The following CNTNAP2 variants were observed in gnomAD, a reference collection of about 807,000 sequenced individuals.
CNTNAP2 encodes contactin-associated protein-like 2.
Under a neutral mutation model 155.2 loss-of-function variants are expected in CNTNAP2, and 98 were observed. That is an observed-to-expected ratio of 0.63 (90% CI 0.54 to 0.75). The LOEUF (loss-of-function observed/expected upper bound fraction) is 0.75, where lower values mean the gene tolerates loss of function less well. Among genes scored for constraint, CNTNAP2 ranks in the 30% least tolerant of loss-of-function variants. CNTNAP2 has a pLI of 0.00. For missense variants in CNTNAP2, 1,727 were observed against 1,688.1 expected, an observed-to-expected ratio of 1.02 and a Z score of -0.40; for synonymous variants, 651 against 631.2, an observed-to-expected ratio of 1.03 and a Z score of -0.47.
chr7:147,809,517 C>T (rs1267065606), intron 13 of CNTNAP2, among the ~76,000 whole-genome samples: 1 of 152,200 alleles, frequency 6.6e-6, no homozygotes, highest in Non-Finnish European at 1.5e-5. Context: ...GCATCAGGGT[C>T]AGGCCAGATA....
intron 3 of CNTNAP2, among the ~76,000 whole-genome samples, chr7:146,994,461 T>C (rs950742130): frequency 6.6e-6 from 1 of 152,298 alleles, no homozygotes; most frequent in African/African-American, 2.4e-5. Flanking sequence ...AAGCAATTTT[T>C]CGAGCTATAT....
chr7:147,210,541 G>A (rs2116570303), intron 8 of CNTNAP2, among the ~76,000 whole-genome samples: 1 of 151,682 alleles, frequency 6.6e-6, no homozygotes, highest in African/African-American at 2.4e-5. Flanking sequence ...CTTTAATATA[G>A]CCAACTTAAT....
At chr7:147,670,509 C>T (rs1355918982) in intron 13 of CNTNAP2, among the ~76,000 whole-genome samples, 1 of 152,156 alleles carries the variant, frequency 6.6e-6, no homozygotes, top group African/African-American at 2.4e-5. Context: ...CCTATAAAAA[C>T]CTCATACTCA....
At chr7:147,026,436 C>A (rs1732703261) in intron 3 of CNTNAP2, among the ~76,000 whole-genome samples, 1 of 152,056 alleles carries the variant, frequency 6.6e-6, no homozygotes, top group Admixed American at 6.6e-5. Context: ...ATGACATATG[C>A]TTTTTCCATC....
At chr7:147,240,847 A>G (rs1263868039) in intron 8 of CNTNAP2, among the ~76,000 whole-genome samples, 1 of 152,250 alleles carries the variant, frequency 6.6e-6, no homozygotes, top group Non-Finnish European at 1.5e-5. Flanking sequence ...TTTCTACATT[A>G]TGACTCCTTT....
chr7:148,183,430 G>A (rs1424976990), intron 18 of CNTNAP2, among the ~76,000 whole-genome samples: 1 of 139,654 alleles, frequency 7.2e-6, no homozygotes, highest in Non-Finnish European at 1.6e-5. Context: ...TTTTAAAATT[G>A]TCTTTGAAAT....
intron 12 of CNTNAP2, among the ~76,000 whole-genome samples, chr7:147,606,581 C>T (rs1231890815): frequency 6.6e-6 from 1 of 152,108 alleles, no homozygotes; most frequent in Non-Finnish European, 1.5e-5. Context: ...ATTTATTGAC[C>T]ACTAGAGTAC....
At chr7:147,573,145 C>A (rs1279170574) in intron 12 of CNTNAP2, among the ~76,000 whole-genome samples, 1 of 152,058 alleles carries the variant, frequency 6.6e-6, no homozygotes, top group Non-Finnish European at 1.5e-5. Context: ...CTTTTCAGTG[C>A]CCCACATAAA....
At chr7:148,393,679 T>C (rs1411866164) in intron 22 of CNTNAP2, among the ~76,000 whole-genome samples, 2 of 152,196 alleles carry the variant, frequency 1.3e-5, no homozygotes, top group African/African-American at 2.4e-5. Flanking sequence ...TATAATCCGA[T>C]TGACAGTCCA....
At chr7:146,177,345 G>A (rs1798483904) in intron 1 of CNTNAP2, among the ~76,000 whole-genome samples, 1 of 152,098 alleles carries the variant, frequency 6.6e-6, no homozygotes, top group Admixed American at 6.6e-5. Flanking sequence ...CAAAGGCTGT[G>A]TATTCCAGGC....
At chr7:146,140,126 A>G (rs879866239) in intron 1 of CNTNAP2, among the ~76,000 whole-genome samples, 2 of 152,082 alleles carry the variant, frequency 1.3e-5, no homozygotes, top group African/African-American at 2.4e-5. Flanking sequence ...CTATGACTCA[A>G]TGGATTTTTC....
At chr7:148,066,609 T>C (rs1803269611) in intron 15 of CNTNAP2, among the ~76,000 whole-genome samples, 1 of 152,136 alleles carries the variant, frequency 6.6e-6, no homozygotes. Context: ...GCCATTCTCC[T>C]GCCTCAGCCT....
intron 15 of CNTNAP2, among the ~76,000 whole-genome samples, chr7:148,097,000 T>G (rs1220653444): frequency 6.6e-6 from 1 of 152,158 alleles, no homozygotes; most frequent in Non-Finnish European, 1.5e-5. Context: ...AGCTAGTGAA[T>G]GCCTTCTCCC....
rs188446336 is a variant in CNTNAP2, at chr7:146,335,847, G to C, written c.97+218874G>C. 2.2e-3 allele frequency among the ~76,000 whole-genome samples: 331 copies of C among 152,126 alleles called. 1 individual carries two copies. Among genetic ancestry groups the C allele is most frequent in the African/African-American group, 7.8e-3 (325 of 41,506 alleles). On this transcript the variant is annotated intron_variant, in intron 1 of 23. Transcript: ENST00000361727. ...AATGTTATTTAGGGGTCGGGGAAGAGGGAGACTCTATTCCTTAAAACAAGG... is the reference window on the plus strand; with the variant it reads ...AATGTTATTTAGGGGTCGGGGAAGACGGAGACTCTATTCCTTAAAACAAGG...
intron 21 of CNTNAP2, among the ~76,000 whole-genome samples, chr7:148,275,254 A>C (rs982200137): frequency 6.6e-6 from 1 of 152,200 alleles, no homozygotes; most frequent in African/African-American, 2.4e-5. Context: ...AGTCAATTAG[A>C]AGTAAAAAGA....
chr7:147,309,962 GC>G (rs1795093163), intron 9 of CNTNAP2, among the ~76,000 whole-genome samples: 1 of 151,762 alleles, frequency 6.6e-6, no homozygotes, highest in East Asian at 1.9e-4. Flanking sequence ...GAACTTTCAG[GC>G]TTTTTTTATT....
At position 146,729,328 on chromosome 7, in the gene CNTNAP2, G is replaced by A. The variant is rs559897061; in HGVS notation, c.98-44943G>A. Among the ~76,000 whole-genome samples the A allele has an allele frequency of 2.0e-5, 3 of 152,234 alleles. No homozygotes were observed. The South Asian group carries it at 6.2e-4, about 32-fold the overall frequency. On this transcript the variant is annotated intron_variant, in intron 1 of 23. Transcript: ENST00000361727. Reference sequence around the variant, plus strand: ...TGAGTTTTAAACAGGAGATTCATATGAGCAGATTCTGATTTTTGAAAGACG... The same window carrying A: ...TGAGTTTTAAACAGGAGATTCATATAAGCAGATTCTGATTTTTGAAAGACG...
intron 1 of CNTNAP2, among the ~76,000 whole-genome samples, chr7:146,434,711 C>G (rs951465446): frequency 6.6e-6 from 1 of 151,976 alleles, no homozygotes; most frequent in Non-Finnish European, 1.5e-5. Context: ...ACTGTTTCAG[C>G]AATGGATTAA....
intron 3 of CNTNAP2, among the ~76,000 whole-genome samples, chr7:146,855,949 T>C (rs951448092): frequency 6.6e-6 from 1 of 151,046 alleles, no homozygotes; most frequent in Non-Finnish European, 1.5e-5. Flanking sequence ...AGATAGACTT[T>C]AATTATTAAT....
Sources: gnomAD v4.1 joint callset for allele counts (sites outside exome capture counted in the v4.1 genomes callset) on GRCh38, gnomAD v4.1.1 for gene constraint, MANE v1.5 for transcripts, NCBI Gene and HGNC (gene_info 2026-07-23, HGNC 2026-07-21) for gene names.